Variants in NLRC5 observed in about 807,000 individuals in gnomAD.
NLRC5 encodes the protein protein NLRC5.
NLRC5 carries 114 observed loss-of-function variants against 206.9 expected under a neutral mutation model. The ratio of observed to expected loss-of-function variants is 0.55; its 90% CI spans 0.47 to 0.64. The LOEUF is 0.64. Ranked by LOEUF, NLRC5 falls within the 30% of genes least tolerant of loss-of-function variation. The pLI is 0.00. For synonymous variants in NLRC5, 952 were observed against 962.8 expected, an observed-to-expected ratio of 0.99 and a Z score of 0.21; for missense variants, 2,008 against 2,305.5, an observed-to-expected ratio of 0.87 and a Z score of 2.64.
intron 39 of NLRC5, among the ~76,000 whole-genome samples, chr16:57,075,680 C>A (rs2145042739): frequency 6.6e-6 from 1 of 152,284 alleles, no homozygotes; most frequent in African/African-American, 2.4e-5. Flanking sequence ...ATGACACTTA[C>A]TTTCAATGTG....
At chr16:57,079,682 G>A (rs2068885342) in intron 46 of NLRC5, 53 bp downstream of exon 46, 1 of 1,520,094 alleles carries the variant, frequency 6.6e-7, no homozygotes, top group Non-Finnish European at 9.1e-7. Flanking sequence ...AGTCGGGAGG[G>A]GTCGGGGGAG....
At chr16:57,019,704 C>T (rs1184237651) in intron 2 of NLRC5, among the ~76,000 whole-genome samples, 4 of 152,300 alleles carry the variant, frequency 2.6e-5, no homozygotes, top group Non-Finnish European at 5.9e-5. Context: ...GAAGAATAGA[C>T]AACATTTCTA....
Position 57,037,266 on chromosome 16 carries a change from T to A in NLRC5, c.2783T>A (p.Leu928Gln), listed in dbSNP as rs774169492. Residue 928 changes from leucine to glutamine, a missense_variant, in exon 15 of 49, where the codon CTG becomes CAG. Coordinates refer to ENST00000688547, the MANE Select transcript of NLRC5 (RefSeq NM_001384950.1). ...AGGGCCGTGAGTGCGTGCTGGACCC[T>A]GGCAGAGCTGCACATCAGGTGGGAG... ...VLRAVSACWT[L>Q]AELHISLQHK... is the part of the protein sequence containing the mutation. 2 of 1,613,416 alleles carry A rather than the reference T, an allele frequency of 1.2e-6. No homozygotes were observed. Among genetic ancestry groups the A allele is most frequent in the Non-Finnish European group, 1.7e-6 (2 of 1,179,922 alleles).
At chr16:57,070,474 C>T (rs2067513498) in intron 37 of NLRC5, 61 bp from the exon 38 acceptor site, 1 of 1,460,626 alleles carries the variant, frequency 6.8e-7, no homozygotes, top group Non-Finnish European at 9.6e-7. Flanking sequence ...GCTGACAGGA[C>T]AGCTCAGCTC....
At chr16:57,045,822 G>A (rs1311468503) in intron 21 of NLRC5, among the ~76,000 whole-genome samples, 1 of 152,240 alleles carries the variant, frequency 6.6e-6, no homozygotes, top group Non-Finnish European at 1.5e-5. Flanking sequence ...CTGCGTTTCG[G>A]GGAATTTTGT....
At chr16:57,074,136 A>G (rs1267153820) in intron 38 of NLRC5, 2 of 159,998 alleles carry the variant, frequency 1.3e-5, no homozygotes, top group Admixed American at 5.9e-5. Flanking sequence ...CGCCTGGGTC[A>G]CATATGGTTG....
chr16:57,079,291 GAGTA>G lies in NLRC5; in HGVS notation c.5237+4_5237+7del, dbSNP rs1344924286. 1.2e-6 allele frequency: 2 copies of G among 1,613,340 alleles called. No individual in the cohort carries two copies. The highest frequency in any genetic ancestry group is 3.3e-5 in the Admixed American group (2 of 60,028). ...GGAGCTCCCGCTGCTCAGACAGATAGAGTAAGTAGCCTCCCCTGCCTGCCTAGGG... is the reference window on the plus strand; with the variant it reads ...GGAGCTCCCGCTGCTCAGACAGATAGAGTAGCCTCCCCTGCCTGCCTAGGG... On this transcript the variant is annotated splice_donor_variant and splice_donor_region_variant and coding_sequence_variant and intron_variant, in exon 45 of 49. Transcript: ENST00000688547. LOFTEE classifies it high-confidence loss of function.
At position 57,065,303 on chromosome 16, in the gene NLRC5, G is replaced by A; in HGVS notation, c.4241+5G>A. 6.4e-7 allele frequency: 1 copy of A among 1,554,762 alleles called. No homozygotes were observed. The highest frequency in any genetic ancestry group is 8.7e-7 in the Non-Finnish European group (1 of 1,145,346). On this transcript the variant is annotated splice_donor_5th_base_variant and intron_variant, in intron 33 of 48. Coordinates refer to ENST00000688547, the MANE Select transcript of NLRC5 (RefSeq NM_001384950.1). Reference sequence around the variant, plus strand: ...AGGCAGTGTCACTGAAATCAGGTGAGTCCAGAGAAGAGGCCCCTTTGGAAT... The same window carrying A: ...AGGCAGTGTCACTGAAATCAGGTGAATCCAGAGAAGAGGCCCCTTTGGAAT...
rs200714051 is a variant in NLRC5, at chr16:57,061,453, G to A, written c.3992G>A (p.Ser1331Asn). The A allele has an allele frequency of 6.2e-7, 1 of 1,611,268 alleles. No homozygotes were observed. The highest frequency in any genetic ancestry group is 2.2e-5 in the East Asian group (1 of 44,880). Residue 1331 changes from serine (S) to asparagine (N), a missense_variant, in exon 31 of 49, where the codon AGT (serine) becomes AAT (asparagine). Transcript: ENST00000688547. ...CCCTGGCTTTCTGCCCTCAGGCTAA[G>A]TGAGTGCAGCTTCCGGCCAGAGCAC... is the stretch of plus-strand genomic sequence containing the variant. ...EDQAGKTLRLSECSFRPEHVS... is the reference protein window; with the variant it reads ...EDQAGKTLRLNECSFRPEHVS...
At chr16:57,013,489 A>G (rs575055934) in intron 1 of NLRC5, 2 of 749,034 alleles carry the variant, frequency 2.7e-6, no homozygotes, top group African/African-American at 1.7e-5. Flanking sequence ...CATTGAGGTG[A>G]GCACAGATTC....
At chr16:57,009,249 C>T (rs1006792261) in intron 1 of NLRC5, among the ~76,000 whole-genome samples, 24 of 151,744 alleles carry the variant, frequency 1.6e-4, no homozygotes, top group Admixed American at 1.5e-3. Flanking sequence ...CGAGACCTTG[C>T]CATTGCTCTC....
At chr16:57,066,848 GACCTTA>G (rs2067134225) in intron 34 of NLRC5, among the ~76,000 whole-genome samples, 2 of 152,182 alleles carry the variant, frequency 1.3e-5, no homozygotes, top group African/African-American at 4.8e-5. Flanking sequence ...ATCTTGCTTA[GACCTTA>G]GGGCATTTGC....
chr16:57,056,478 T>C (rs59469172), intron 27 of NLRC5, among the ~76,000 whole-genome samples: 2 of 152,068 alleles, frequency 1.3e-5, no homozygotes, highest in Non-Finnish European at 2.9e-5. Context: ...TTGTAAGAGA[T>C]GAAGTCTCAC....
At chr16:57,066,508 C>T in intron 33 of NLRC5, 26 bp from the exon 34 acceptor site, 2 of 1,611,870 alleles carry the variant, frequency 1.2e-6, no homozygotes, top group Non-Finnish European at 1.7e-6. Flanking sequence ...TGCCCGACCT[C>T]ACGTTGGTTA....
At position 57,039,841 on chromosome 16, in the gene NLRC5, C is replaced by T. The variant is rs770028855; in HGVS notation, c.2862C>T (p.Pro954=). Reference sequence around the variant, plus strand: ...AGGAGCCAGAGGAGCAGAAGGGGCCCCAGGAGAGGTAGGGCCCGATTTCAC... The same window carrying T: ...AGGAGCCAGAGGAGCAGAAGGGGCCTCAGGAGAGGTAGGGCCCGATTTCAC... ...FAQEPEEQKG[P]QERAAFLDSL... is the part of the protein sequence containing the mutation. The change falls in exon 16 of 49, where the codon CCC becomes CCT. Residue 954 remains proline, a synonymous_variant. Coordinates refer to ENST00000688547, the MANE Select transcript of NLRC5 (RefSeq NM_001384950.1). The T allele has an allele frequency of 3.7e-6, 6 of 1,614,060 alleles. No homozygotes were observed. The highest frequency in any genetic ancestry group is 1.6e-4 in the Middle Eastern group (1 of 6,062).
At chr16:56,991,312 A>C (rs1473165516) in intron 1 of NLRC5, among the ~76,000 whole-genome samples, 2 of 150,930 alleles carry the variant, frequency 1.3e-5, no homozygotes, top group Non-Finnish European at 2.9e-5. Flanking sequence ...AGACCCCAAC[A>C]CACATACCCT....
chr16:57,010,931 A>G (rs2059420953), intron 1 of NLRC5, among the ~76,000 whole-genome samples: 3 of 152,144 alleles, frequency 2.0e-5, no homozygotes. Flanking sequence ...TGCACATTAA[A>G]AAGTTTGAAT....
rs375414205 is a variant in NLRC5 at position 57,035,169 on chromosome 16, C to T, written c.2627+918C>T. Reference sequence around the variant, plus strand: ...GCAGCCACCTCCTAGCCCCCTTGCCCTTCTCCCACATTTAGTCCCTCCAGA... The same window carrying T: ...GCAGCCACCTCCTAGCCCCCTTGCCTTTCTCCCACATTTAGTCCCTCCAGA... On this transcript the variant is annotated intron_variant, in intron 13 of 48. Transcript: ENST00000688547. Among the ~76,000 whole-genome samples, 3 of 152,198 alleles carry T rather than the reference C, an allele frequency of 2.0e-5. No individual in the cohort carries two copies. The East Asian group carries it at 5.8e-4, about 29-fold the overall frequency.
Position 57,079,084 on chromosome 16 carries a change from C to T in NLRC5, c.5116C>T (p.Leu1706=), listed in dbSNP as rs374900684. The T allele has an allele frequency of 1.6e-5, 26 of 1,614,036 alleles. No individual in the cohort carries two copies. The highest frequency in any genetic ancestry group is 1.6e-4 in the Middle Eastern group (1 of 6,084). The change falls in exon 44 of 49, where the codon CTG becomes TTG. Residue 1706 remains leucine, a synonymous_variant. Transcript: ENST00000688547. ...PFSHLGPGGA[L]SLAQALDGSP... is the part of the protein sequence containing the mutation. ...CAGCCATCTGGGCCCAGGTGGGGCCCTGAGCCTGGCCCAGGCCCTGGATGG... is the reference window on the plus strand; with the variant it reads ...CAGCCATCTGGGCCCAGGTGGGGCCTTGAGCCTGGCCCAGGCCCTGGATGG...
Sources: allele counts gnomAD v4.1 joint callset (sites outside exome capture counted in the v4.1 genomes callset), GRCh38; gene constraint gnomAD v4.1.1; transcripts MANE v1.5; gene names NCBI Gene and HGNC (gene_info 2026-07-23, HGNC 2026-07-21).